CSMD1: variants seen among roughly 807,000 people sequenced by gnomAD.
CSMD1 encodes the protein CUB and sushi domain-containing protein 1.
CSMD1 carries 213 observed loss-of-function variants against 417.5 expected under a neutral mutation model. The ratio of observed to expected loss-of-function variants is 0.51; its 90% CI spans 0.46 to 0.57. CSMD1 has a LOEUF of 0.57. Among genes scored for constraint, CSMD1 ranks in the 20% least tolerant of loss-of-function variants. CSMD1 has a pLI of 0.00. For synonymous variants in CSMD1, 2,862 were observed against 1,736.8 expected, an observed-to-expected ratio of 1.65 and a Z score of -16.11; for missense variants, 6,923 against 4,529.7, an observed-to-expected ratio of 1.53 and a Z score of -15.17.
intron 1 of CSMD1, among the ~76,000 whole-genome samples, chr8:4,908,276 T>C (rs1805432831): frequency 6.6e-6 from 1 of 152,330 alleles, no homozygotes; most frequent in Admixed American, 6.5e-5. Context: ...CCTGAATTCT[T>C]TCAAGGTTTC....
intron 7 of CSMD1, among the ~76,000 whole-genome samples, chr8:3,686,343 C>T (rs566955154): frequency 3.9e-5 from 6 of 152,230 alleles, no homozygotes; most frequent in African/African-American, 1.2e-4. Flanking sequence ...CACTTCTCTA[C>T]GCTTGTCTTC....
At chr8:3,532,690 T>A (rs1563128487) in intron 10 of CSMD1, among the ~76,000 whole-genome samples, 1 of 152,132 alleles carries the variant, frequency 6.6e-6, no homozygotes, top group African/African-American at 2.4e-5. Flanking sequence ...AATATTCTCA[T>A]CCTTATTCCA....
intron 27 of CSMD1, among the ~76,000 whole-genome samples, chr8:3,224,094 C>G (rs945507979): frequency 1.3e-5 from 2 of 152,166 alleles, no homozygotes; most frequent in African/African-American, 4.8e-5. Context: ...TATTCCACCC[C>G]ATTTTCAAAG....
chr8:4,420,167 A>G (rs1328270136), intron 2 of CSMD1, 102 bp from the exon 3 acceptor site: 5 of 700,702 alleles, frequency 7.1e-6, no homozygotes, highest in Non-Finnish European at 1.2e-5. Flanking sequence ...TGGTATATTC[A>G]CTTGAAATAT....
chr8:4,530,138 C>A (rs1428746253), intron 2 of CSMD1, among the ~76,000 whole-genome samples: 1 of 151,716 alleles, frequency 6.6e-6, no homozygotes, highest in African/African-American at 2.4e-5. Context: ...TGGTCTCGAT[C>A]TCCTGACCTT....
intron 7 of CSMD1, among the ~76,000 whole-genome samples, chr8:3,694,089 T>A (rs918402136): frequency 6.6e-6 from 1 of 151,590 alleles, no homozygotes; most frequent in Admixed American, 6.6e-5. Context: ...GAGTGTTATG[T>A]GTTGTGTGTG....
chr8:4,020,278 G>A (rs966819017), intron 4 of CSMD1, among the ~76,000 whole-genome samples: 1 of 152,188 alleles, frequency 6.6e-6, no homozygotes, highest in African/African-American at 2.4e-5. Context: ...ATTTGCCCCA[G>A]GTGACCAGTG....
intron 3 of CSMD1, among the ~76,000 whole-genome samples, chr8:4,219,170 T>G (rs545631662): frequency 5.3e-5 from 8 of 152,288 alleles, no homozygotes; most frequent in African/African-American, 2.4e-5. Context: ...TGTGTTCCCA[T>G]CTCCCCTCCC....
intron 8 of CSMD1, among the ~76,000 whole-genome samples, chr8:3,605,976 G>C (rs1238220390): frequency 6.6e-6 from 1 of 152,170 alleles, no homozygotes; most frequent in Non-Finnish European, 1.5e-5. Context: ...CTTCTGCCTT[G>C]TGTGGGGTCC....
rs541876255 is a variant in CSMD1 at position 3,343,685 on chromosome 8, T to G, written c.3475-235A>C. On this transcript the variant is annotated intron_variant, in intron 22 of 69. Coordinates refer to ENST00000635120, the MANE Select transcript of CSMD1 (RefSeq NM_033225.6). Reference sequence around the variant, plus strand: ...TTCCATTCTTGTTCAGATCATTTTATATTCATTACTTTAAGAGCTCTTTCT... The same window carrying G: ...TTCCATTCTTGTTCAGATCATTTTAGATTCATTACTTTAAGAGCTCTTTCT... 2.6e-5 allele frequency among the ~76,000 whole-genome samples: 4 copies of G among 152,358 alleles called. No homozygotes were observed. The South Asian group carries it at 8.3e-4, about 32-fold the overall frequency.
chr8:3,693,971 T>C (rs1800398915), intron 7 of CSMD1, among the ~76,000 whole-genome samples: 1 of 150,384 alleles, frequency 6.6e-6, no homozygotes, highest in Non-Finnish European at 1.5e-5. Flanking sequence ...GTGTGTGTGT[T>C]GGGTATGTGT....
chr8:3,874,823 G>A (rs548401247), intron 5 of CSMD1, among the ~76,000 whole-genome samples: 1 of 152,142 alleles, frequency 6.6e-6, no homozygotes, highest in South Asian at 2.1e-4. Context: ...ACCAAAGACG[G>A]GGTCAATTTC....
intron 3 of CSMD1, among the ~76,000 whole-genome samples, chr8:4,119,027 T>G (rs1802323206): frequency 6.6e-6 from 1 of 151,802 alleles, no homozygotes; most frequent in African/African-American, 2.4e-5. Flanking sequence ...CACTCATAAG[T>G]GGGAGTTGAA....
intron 2 of CSMD1, among the ~76,000 whole-genome samples, chr8:4,530,947 G>C (rs1041159037): frequency 6.6e-6 from 1 of 151,964 alleles, no homozygotes; most frequent in African/African-American, 2.4e-5. Flanking sequence ...CAAAAAGACA[G>C]ACCTAGTATC....
intron 30 of CSMD1, among the ~76,000 whole-genome samples, chr8:3,209,086 G>T (rs17319422): frequency 6.6e-6 from 1 of 151,936 alleles, no homozygotes; most frequent in Non-Finnish European, 1.5e-5. Flanking sequence ...TGATAGTAGA[G>T]GACATTTTTG....
intron 2 of CSMD1, among the ~76,000 whole-genome samples, chr8:4,531,759 T>G (rs546050047): frequency 6.6e-6 from 1 of 152,348 alleles, no homozygotes; most frequent in South Asian, 2.1e-4. Flanking sequence ...TCTAAAAGTA[T>G]ACAATCTGGT....
At chr8:3,957,987 T>G (rs999748545) in intron 5 of CSMD1, among the ~76,000 whole-genome samples, 5 of 152,306 alleles carry the variant, frequency 3.3e-5, no homozygotes, top group Admixed American at 2.0e-4. Flanking sequence ...TCTTTTTGCT[T>G]GCTTAACGTT....
intron 3 of CSMD1, among the ~76,000 whole-genome samples, chr8:4,078,824 T>G (rs1233941201): frequency 6.8e-6 from 1 of 147,650 alleles, no homozygotes; most frequent in Non-Finnish European, 1.5e-5. Flanking sequence ...TTACTTGAGG[T>G]CAGGAGTTCA....
At chr8:3,753,176 G>A (rs746076938) in intron 6 of CSMD1, among the ~76,000 whole-genome samples, 10 of 152,142 alleles carry the variant, frequency 6.6e-5, no homozygotes, top group Non-Finnish European at 1.3e-4. Flanking sequence ...TCACAATGTG[G>A]GGAAAGCTTA....
Sources: gnomAD v4.1 joint callset for allele counts (sites outside exome capture counted in the v4.1 genomes callset) on GRCh38, gnomAD v4.1.1 for gene constraint, MANE v1.5 for transcripts, NCBI Gene and HGNC (gene_info 2026-07-23, HGNC 2026-07-21) for gene names.